Variants in CREB5 observed in about 807,000 individuals in gnomAD.
CREB5 encodes the protein cyclic AMP-responsive element-binding protein 5.
A neutral mutation model predicts 57.1 loss-of-function variants in CREB5; 19 were observed. The observed-to-expected ratio is 0.33, with a 90% confidence interval of 0.23 to 0.49. CREB5 has a LOEUF of 0.49. Ranked by LOEUF, CREB5 falls within the 20% of genes least tolerant of loss-of-function variation. CREB5 has a pLI of 0.99. For synonymous variants in CREB5, 238 were observed against 238.3 expected (o/e 1.00, Z 0.01); for missense variants, 579 against 671.6 (o/e 0.86, Z 1.52).
At chr7:28,425,799 C>T (rs1788487139) in intron 1 of CREB5, among the ~76,000 whole-genome samples, 1 of 152,192 alleles carries the variant, frequency 6.6e-6, no homozygotes, top group African/African-American at 2.4e-5. Context: ...CACCTCTCTC[C>T]TTGGCAATGG....
chr7:28,648,079 T>A (rs1033704178), intron 5 of CREB5, among the ~76,000 whole-genome samples: 4 of 152,160 alleles, frequency 2.6e-5, no homozygotes, highest in East Asian at 1.9e-4. Flanking sequence ...GAAGGGATAT[T>A]TGAGATTCCC....
chr7:28,480,962 A>G (rs1791297981), intron 1 of CREB5, among the ~76,000 whole-genome samples: 2 of 152,230 alleles, frequency 1.3e-5, no homozygotes, highest in African/African-American at 2.4e-5. Flanking sequence ...CTAAAGAAAC[A>G]TATGGAAAAT....
intron 1 of CREB5, among the ~76,000 whole-genome samples, chr7:28,336,788 G>A (rs553886157): frequency 2.6e-5 from 4 of 151,004 alleles, no homozygotes; most frequent in African/African-American, 4.9e-5. Context: ...TTGTTAGATC[G>A]TTTCTTAGAA....
chr7:28,338,755 G>A (rs1055116347), intron 1 of CREB5, among the ~76,000 whole-genome samples: 1 of 151,956 alleles, frequency 6.6e-6, no homozygotes, highest in Non-Finnish European at 1.5e-5. Context: ...AACTCTTAGA[G>A]TTGCCCTTTT....
At chr7:28,382,433 AT>A (rs5883126) in intron 1 of CREB5, among the ~76,000 whole-genome samples, 16,996 of 152,160 alleles carry the variant, frequency 0.11, 1,142 homozygotes, top group East Asian at 0.19. Context: ...TAATGCAATG[AT>A]TGAGAATAAA....
chr7:28,427,663 T>C (rs1788561629), intron 1 of CREB5, among the ~76,000 whole-genome samples: 1 of 151,922 alleles, frequency 6.6e-6, no homozygotes, highest in African/African-American at 2.4e-5. Flanking sequence ...CTGCCCTCCT[T>C]CTCCAGAGAC....
chr7:28,537,259 G>A, intron 4 of CREB5, among the ~76,000 whole-genome samples: 1 of 152,150 alleles, frequency 6.6e-6, no homozygotes, highest in East Asian at 1.9e-4. Context: ...CTGTAGTGAA[G>A]CAAATTAACA....
chr7:28,524,330 C>CACACACACACAT (rs1562774038), intron 4 of CREB5, among the ~76,000 whole-genome samples: 2 of 135,176 alleles, frequency 1.5e-5, no homozygotes, highest in East Asian at 5.2e-4. Flanking sequence ...CACACACACA[C>CACACACACACAT]ACACACACAC....
intron 1 of CREB5, among the ~76,000 whole-genome samples, chr7:28,394,468 A>G (rs950732081): frequency 2.6e-5 from 4 of 152,156 alleles, no homozygotes; most frequent in Non-Finnish European, 5.9e-5. Flanking sequence ...ATGAAAACAC[A>G]TGTAGATTAA....
intron 1 of CREB5, among the ~76,000 whole-genome samples, chr7:28,484,915 C>G (rs1056875618): frequency 6.6e-6 from 1 of 152,150 alleles, no homozygotes; most frequent in Non-Finnish European, 1.5e-5. Context: ...TGTGGCCGAG[C>G]CTTTCGTTGT....
chr7:28,658,032 G>C (rs1799404880), intron 5 of CREB5, among the ~76,000 whole-genome samples: 1 of 152,128 alleles, frequency 6.6e-6, no homozygotes, highest in Non-Finnish European at 1.5e-5. Flanking sequence ...GGCTACTCTG[G>C]TGTAAACAAT....
intron 4 of CREB5, among the ~76,000 whole-genome samples, chr7:28,569,238 T>G (rs1795603944): frequency 6.6e-6 from 1 of 151,878 alleles, no homozygotes; most frequent in Non-Finnish European, 1.5e-5. Flanking sequence ...AATCCTGGCT[T>G]ACTGCAGCCT....
chr7:28,346,944 C>T (rs1222021026), intron 1 of CREB5, among the ~76,000 whole-genome samples: 1 of 152,102 alleles, frequency 6.6e-6, no homozygotes, highest in African/African-American at 2.4e-5. Flanking sequence ...TTAAGTACCA[C>T]TGGGTTGGCC....
intron 1 of CREB5, among the ~76,000 whole-genome samples, chr7:28,344,807 A>C (rs946394691): frequency 6.6e-6 from 1 of 152,212 alleles, no homozygotes; most frequent in African/African-American, 2.4e-5. Flanking sequence ...TGAAAGTAAA[A>C]AGGTAGAAGA....
At position 28,551,987 on chromosome 7, in the gene CREB5, TTCTCTCTTTTCTCTCTC is replaced by T. The variant is rs765223916; in HGVS notation, c.292-18357_292-18341del. On this transcript the variant is annotated intron_variant, in intron 4 of 10. Transcript: ENST00000357727. Reference sequence around the variant, plus strand: ...TTTTATTCTCTCTTTCTCTCTCTCTTTCTCTCTTTTCTCTCTCTCTCTCTTTTCTCTCTCTCTTTCTC... The same window carrying T: ...TTTTATTCTCTCTTTCTCTCTCTCTTTCTCTCTTTTCTCTCTCTCTTTCTC... 4.7e-3 allele frequency among the ~76,000 whole-genome samples: 241 copies of T among 51,546 alleles called. 12 individuals are homozygous for T. Among genetic ancestry groups the T allele is most frequent in the East Asian group, 0.043 (60 of 1,392 alleles). 33.8% of individuals were successfully genotyped at this position (51,546 alleles called of 152,430 possible). A position where few individuals can be genotyped will look rare whatever the true frequency, so the allele number is the denominator to read the frequency against.
rs1161411272 is a variant in CREB5, at chr7:28,324,179, G to C, written c.-25+24738G>C. Among the ~76,000 whole-genome samples the C allele has an allele frequency of 2.6e-5, 4 of 152,154 alleles. No individual in the cohort carries two copies. In the East Asian group the frequency reaches 7.7e-4, roughly 29 times the overall value. On this transcript the variant is annotated intron_variant, in intron 1 of 9. Transcript: ENST00000396299. ...CTAGAGCCAAAAATGTGCCCTGAAA[G>C]CTCCTGTTTAAAGAACATAATATAA...
intron 3 of CREB5, among the ~76,000 whole-genome samples, chr7:28,507,186 T>C (rs1025347013): frequency 6.6e-6 from 1 of 152,220 alleles, no homozygotes; most frequent in Non-Finnish European, 1.5e-5. Context: ...AAAATCCTTT[T>C]TCTTTCCAGC....
At chr7:28,800,600 C>G (rs892556627) in intron 7 of CREB5, among the ~76,000 whole-genome samples, 2 of 152,154 alleles carry the variant, frequency 1.3e-5, no homozygotes, top group Admixed American at 1.3e-4. Context: ...CAGTTCTTCA[C>G]AAATACAACA....
intron 5 of CREB5, among the ~76,000 whole-genome samples, chr7:28,678,261 G>T (rs1044209102): frequency 2.0e-5 from 3 of 152,016 alleles, no homozygotes; most frequent in African/African-American, 4.8e-5. Context: ...GGTGGTGTGC[G>T]CCTGTAGCCC....
Sources: gnomAD v4.1 joint callset for allele counts (sites outside exome capture counted in the v4.1 genomes callset) on GRCh38, gnomAD v4.1.1 for gene constraint, MANE v1.5 for transcripts, NCBI Gene and HGNC (gene_info 2026-07-23, HGNC 2026-07-21) for gene names.